The following ACSL6 variants were observed in gnomAD, a reference collection of about 807,000 sequenced individuals.
ACSL6 encodes acyl-CoA synthetase long chain family member 6.
Under a neutral mutation model 98.2 loss-of-function variants are expected in ACSL6, and 47 were observed. The observed-to-expected ratio is 0.48, with a 90% CI of 0.38 to 0.61. The LOEUF is 0.61. Ranked by LOEUF, ACSL6 falls within the 20% of genes least tolerant of loss-of-function variation. The pLI is 0.00. For synonymous variants in ACSL6, 362 were observed against 336.9 expected, an observed-to-expected ratio of 1.07 and a Z score of -0.82; for missense variants, 761 against 913.4, an observed-to-expected ratio of 0.83 and a Z score of 2.15.
chr5:131,966,922 C>T (rs1048105282), intron 16 of ACSL6, among the ~76,000 whole-genome samples: 3 of 152,222 alleles, frequency 2.0e-5, no homozygotes, highest in Non-Finnish European at 4.4e-5. Flanking sequence ...CCCACTTACT[C>T]CCATGGAATG....
chr5:131,985,721 G>T (rs1393241891), intron 8 of ACSL6, among the ~76,000 whole-genome samples: 1 of 152,226 alleles, frequency 6.6e-6, no homozygotes, highest in Non-Finnish European at 1.5e-5. Context: ...TGGTCCCACT[G>T]CCTCCCCTAC....
chr5:131,978,375 C>A (rs920025171), intron 9 of ACSL6, among the ~76,000 whole-genome samples: 1 of 152,164 alleles, frequency 6.6e-6, no homozygotes, highest in Admixed American at 6.5e-5. Context: ...GACGTTTGCC[C>A]AAAACCATCT....
intron 11 of ACSL6, 149 bp downstream of exon 11, chr5:131,974,744 T>C: frequency 6.2e-7 from 1 of 1,602,200 alleles, no homozygotes; most frequent in Non-Finnish European, 8.5e-7. Context: ...GCCTCCCTGA[T>C]GCCAGGGCCT....
chr5:131,983,188 T>G (rs1255617253), intron 9 of ACSL6: 2 of 152,222 alleles, frequency 1.3e-5, no homozygotes, highest in Non-Finnish European at 1.5e-5. Flanking sequence ...TTATCTTTTT[T>G]TCAGAGGTGG....
At chr5:132,000,612 C>T (rs573563955) in intron 1 of ACSL6, among the ~76,000 whole-genome samples, 20 of 152,226 alleles carry the variant, frequency 1.3e-4, no homozygotes, top group African/African-American at 4.6e-4. Context: ...TTGAATTGGA[C>T]ACTCATTCTG....
At position 131,972,972 on chromosome 5, in the gene ACSL6, C is replaced by T. The variant is rs567146755; in HGVS notation, c.1204-114G>A. On this transcript the variant is annotated intron_variant, in intron 12 of 20. Transcript: ENST00000651883. Reference sequence around the variant, plus strand: ...CAGAGAAGCCATGTTCCATTTTGCCCCTGCAGGAGGTCACTGAATGTGTGA... The same window carrying T: ...CAGAGAAGCCATGTTCCATTTTGCCTCTGCAGGAGGTCACTGAATGTGTGA... 1,590 of 1,461,832 alleles carry T rather than the reference C, an allele frequency of 1.1e-3. 6 individuals carry two copies. The highest frequency in any genetic ancestry group is 2.7e-3 in the South Asian group (211 of 77,760). The allele number at this position is 1,461,832 out of a possible 1,614,324, so 90.6% of individuals were successfully genotyped here. A position where few individuals can be genotyped will look rare whatever the true frequency, so the allele number is the denominator to read the frequency against.
intron 8 of ACSL6, 82 bp downstream of exon 8, chr5:131,986,740 T>A: frequency 1.3e-6 from 2 of 1,538,684 alleles, no homozygotes; most frequent in Non-Finnish European, 1.8e-6. Flanking sequence ...GAGGTGCTGT[T>A]CTGTGCACAG....
intron 1 of ACSL6, among the ~76,000 whole-genome samples, chr5:132,003,082 T>C (rs1755179180): frequency 6.6e-6 from 1 of 152,190 alleles, no homozygotes; most frequent in Non-Finnish European, 1.5e-5. Context: ...GACTAGAAAG[T>C]GAGCAAGACA....
intron 1 of ACSL6, among the ~76,000 whole-genome samples, chr5:132,007,976 A>G (rs530675073): frequency 6.6e-6 from 1 of 152,166 alleles, no homozygotes; most frequent in Admixed American, 6.5e-5. Context: ...CCTTATAACC[A>G]CAAGGGACAG....
At chr5:131,993,980 C>T in intron 2 of ACSL6, 51 bp downstream of exon 2, 1 of 1,580,536 alleles carries the variant, frequency 6.3e-7, no homozygotes, top group Non-Finnish European at 8.7e-7. Flanking sequence ...TCCAAGATGC[C>T]TGTCCTCTGC....
chr5:131,971,506 C>T (rs368117880), intron 14 of ACSL6, 44 bp downstream of exon 14: 25 of 1,515,846 alleles, frequency 1.6e-5, no homozygotes, highest in East Asian at 6.9e-5. Context: ...CCTGCCCTAA[C>T]GAACTTCCTG....
chr5:131,973,220 A>G (rs1753412561), intron 12 of ACSL6, 46 bp downstream of exon 12: 1 of 1,596,148 alleles, frequency 6.3e-7, no homozygotes, highest in Non-Finnish European at 8.5e-7. Flanking sequence ...CAAACAAGCA[A>G]ATATGCAGCC....
At chr5:131,984,239 C>T (rs1365413181) in intron 9 of ACSL6, 1 of 152,236 alleles carries the variant, frequency 6.6e-6, no homozygotes, top group African/African-American at 2.4e-5. Context: ...TATCTATATT[C>T]AATAAAGCAT....
intron 20 of ACSL6, 92 bp from the exon 21 acceptor site, chr5:131,954,463 G>T: frequency 3.2e-6 from 4 of 1,268,628 alleles, no homozygotes; most frequent in Non-Finnish European, 2.1e-6. Context: ...CATGAGAGTA[G>T]ATATATTGAC....
chr5:131,970,842 T>C (rs30159), intron 14 of ACSL6, among the ~76,000 whole-genome samples: 46,656 of 152,050 alleles, frequency 0.31, 7,776 homozygotes, highest in East Asian at 0.52. Context: ...CTGTGTTTTA[T>C]TTTGGCTCCA....
At chr5:131,980,255 C>T (rs1264401768) in intron 9 of ACSL6, among the ~76,000 whole-genome samples, 2 of 152,178 alleles carry the variant, frequency 1.3e-5, no homozygotes. Flanking sequence ...GCTAAAGGCT[C>T]TCAAATCTTT....
chr5:131,976,724 A>G lies in ACSL6; in HGVS notation c.917-3T>C, dbSNP rs2126841553. The G allele has an allele frequency of 1.2e-6, 2 of 1,613,992 alleles. No homozygotes were observed. The highest frequency in any genetic ancestry group is 1.7e-6 in the Non-Finnish European group (2 of 1,179,892). ...GAGCATCGCACCTTTTGGGTTCCCT[A>G]TAAAAAGAAAGCAAGAAGTCAAATT... On this transcript the variant is annotated splice_region_variant and splice_polypyrimidine_tract_variant and intron_variant, in intron 9 of 20. Transcript: ENST00000651883.
upstream of ACSL6, chr5:132,012,001 C>A: frequency 6.7e-7 from 1 of 1,487,604 alleles, no homozygotes; most frequent in South Asian, 1.3e-5. Flanking sequence ...CGCCACCCAC[C>A]CCATCAACAC....
chr5:131,995,541 C>T lies in ACSL6; in HGVS notation c.50-1290G>A, dbSNP rs147442613. Among the ~76,000 whole-genome samples the T allele has an allele frequency of 4.3e-3, 662 of 152,274 alleles. 4 individuals are homozygous for T. The highest frequency in any genetic ancestry group is 0.014 in the African/African-American group (576 of 41,550). On this transcript the variant is annotated intron_variant, in intron 1 of 20. Transcript: ENST00000651883. ...AGGCCCTAAGCCTTTGGAAGCATGG[C>T]TGTGCTTCCAAGAAGGGAAACAAGG...
Sources: allele counts gnomAD v4.1 joint callset (sites outside exome capture counted in the v4.1 genomes callset), GRCh38; gene constraint gnomAD v4.1.1; transcripts MANE v1.5; gene names NCBI Gene and HGNC (gene_info 2026-07-23, HGNC 2026-07-21).